The following LY9 variants were observed in gnomAD, a reference collection of about 807,000 sequenced individuals.
LY9 encodes the protein lymphocyte antigen 9, also known as T-lymphocyte surface antigen Ly-9.
LY9 carries 59 observed loss-of-function variants against 64.6 expected under a neutral mutation model. That is an observed-to-expected ratio of 0.91 (90% CI 0.74 to 1.13). LY9 has a LOEUF of 1.13. LY9 is among the 50% of genes most tolerant of loss of function. The pLI is 0.00. For synonymous variants in LY9, 281 were observed against 308.5 expected, an observed-to-expected ratio of 0.91 and a Z score of 0.93; for missense variants, 789 against 797.2, an observed-to-expected ratio of 0.99 and a Z score of 0.12.
intron 8 of LY9, 21 bp downstream of exon 8, chr1:160,823,817 C>A: frequency 6.5e-7 from 1 of 1,547,416 alleles, no homozygotes; most frequent in Non-Finnish European, 8.9e-7. Context: ...CTGATCAATA[C>A]ACCTTCCTCC....
At chr1:160,821,774 G>A (rs1401884310) in intron 7 of LY9, among the ~76,000 whole-genome samples, 1 of 152,152 alleles carries the variant, frequency 6.6e-6, no homozygotes, top group Non-Finnish European at 1.5e-5. Context: ...CCAAAATGAA[G>A]GTATCTATTT....
At chr1:160,805,919 CTTTTTTTTTTTT>C (rs60244350) in intron 2 of LY9, among the ~76,000 whole-genome samples, 3 of 72,440 alleles carry the variant, frequency 4.1e-5, no homozygotes, top group Middle Eastern at 0.011. Context: ...CATTCTTTGT[CTTTTTTTTTTTT>C]TTTTTTTTTT....
chr1:160,810,080 TG>T (rs1667350301), intron 2 of LY9: 1 of 152,292 alleles, frequency 6.6e-6, no homozygotes, highest in African/African-American at 2.4e-5. Context: ...GGTTTTGCCA[TG>T]TTGGCCAGGC....
At chr1:160,797,527 A>G (rs1031582639) in intron 1 of LY9, among the ~76,000 whole-genome samples, 3 of 152,220 alleles carry the variant, frequency 2.0e-5, no homozygotes, top group Admixed American at 6.5e-5. Flanking sequence ...AATAAGCTAC[A>G]TTCAAGGTCA....
chr1:160,827,248 G>A (rs1169624375), intron 9 of LY9, among the ~76,000 whole-genome samples: 4 of 152,070 alleles, frequency 2.6e-5, no homozygotes, highest in Non-Finnish European at 5.9e-5. Flanking sequence ...CCAACCTCCC[G>A]CTCCTCTGGG....
chr1:160,802,774 G>C, intron 2 of LY9: 2 of 602,018 alleles, frequency 3.3e-6, no homozygotes, highest in Non-Finnish European at 4.2e-6. Context: ...ATTTGTCAAA[G>C]GTCAATTGGC....
chr1:160,824,162 T>A lies in LY9; in HGVS notation c.1831-19T>A. 1 of 1,614,116 alleles carries A rather than the reference T, an allele frequency of 6.2e-7. No homozygotes were observed. The highest frequency in any genetic ancestry group is 2.2e-5 in the East Asian group (1 of 44,880). On this transcript the variant is annotated intron_variant, in intron 8 of 9. Transcript: ENST00000263285. The stretch of plus-strand genomic sequence containing the variant: ...TCTCATGTGGTCACTAGGGCTCATC[T>A]GCTGTTGGTGTGTTACAGGGAAAGA...
chr1:160,803,459 A>G (rs1035341680), intron 2 of LY9, among the ~76,000 whole-genome samples: 7 of 152,088 alleles, frequency 4.6e-5, no homozygotes, highest in Non-Finnish European at 7.4e-5. Context: ...TGTGTCATCT[A>G]TGATTTTTTC....
intron 4 of LY9, 61 bp downstream of exon 4, chr1:160,814,822 T>C: frequency 7.3e-7 from 1 of 1,378,918 alleles, no homozygotes; most frequent in South Asian, 1.3e-5. Context: ...TCTCCTCTGC[T>C]GCCTTCTCCA....
chr1:160,799,964 G>C lies in LY9; in HGVS notation c.336G>C (p.Trp112Cys), dbSNP rs1328267473. Reference sequence around the variant, plus strand: ...TGGGCCGACTAGACATCACCAAGTGGAGTTACTCCCTGTGCATCAGCAATC... The same window carrying C: ...TGGGCCGACTAGACATCACCAAGTGCAGTTACTCCCTGTGCATCAGCAATC... ...SYLGRLDITKWSYSLCISNLT... is the reference protein window; with the variant it reads ...SYLGRLDITKCSYSLCISNLT... Residue 112 changes from tryptophan (W) to cysteine (C), a missense_variant, in exon 2 of 10, where the codon TGG becomes TGC. Coordinates refer to ENST00000263285, the MANE Select transcript of LY9 (RefSeq NM_002348.4). 6.2e-7 allele frequency: 1 copy of C among 1,613,984 alleles called. No homozygotes were observed. Among genetic ancestry groups the C allele is most frequent in the Admixed American group, 1.7e-5 (1 of 60,002 alleles).
At chr1:160,805,466 T>A (rs529884028) in intron 2 of LY9, among the ~76,000 whole-genome samples, 1 of 152,328 alleles carries the variant, frequency 6.6e-6, no homozygotes, top group Admixed American at 6.5e-5. Flanking sequence ...AGATATTTGA[T>A]ATGATTTCAA....
intron 1 of LY9, chr1:160,797,396 G>A (rs1054490796): frequency 2.1e-6 from 1 of 487,006 alleles, no homozygotes; most frequent in Admixed American, 6.4e-5. Context: ...CTGAGGTCCA[G>A]TCTGACCTCT....
At chr1:160,811,452 G>A (rs987629497) in intron 2 of LY9, 4 of 152,142 alleles carry the variant, frequency 2.6e-5, no homozygotes, top group Non-Finnish European at 5.9e-5. Flanking sequence ...TTTTTTCAAA[G>A]CTTTAAGTTC....
Position 160,823,751 on chromosome 1 carries a change from T to G in LY9, c.1785T>G (p.Ser595=). 1 of 1,614,160 alleles carries G rather than the reference T, an allele frequency of 6.2e-7. No individual in the cohort carries two copies. The highest frequency in any genetic ancestry group is 8.5e-7 in the Non-Finnish European group (1 of 1,179,994). The part of the protein sequence containing the change: ...PVTPYVTEVE[S]VVGENTMYAQ... ...CTCCATATGTCACGGAAGTTGAGTC[T>G]GTGGTTGGAGAGAACACCATGTATG... is the stretch of plus-strand genomic sequence containing the variant. The change falls in exon 8 of 10, where the codon TCT becomes TCG. Residue 595 remains serine (S), a synonymous_variant. Coordinates refer to ENST00000263285, the MANE Select transcript of LY9 (RefSeq NM_002348.4).
intron 6 of LY9, 42 bp downstream of exon 6, chr1:160,818,361 T>C (rs1668119115): frequency 1.6e-5 from 23 of 1,458,312 alleles, no homozygotes; most frequent in Non-Finnish European, 2.2e-5. Flanking sequence ...TGCTAGGCCA[T>C]TTCCCTGGGA....
chr1:160,796,733 T>G (rs1665913082), intron 1 of LY9, among the ~76,000 whole-genome samples: 1 of 152,204 alleles, frequency 6.6e-6, no homozygotes, highest in African/African-American at 2.4e-5. Flanking sequence ...TTACTTTGCA[T>G]GTGTGCATAT....
intron 9 of LY9, 129 bp from the exon 10 acceptor site, chr1:160,827,618 TG>T: frequency 3.1e-6 from 2 of 636,360 alleles, no homozygotes; most frequent in Non-Finnish European, 2.6e-6. Flanking sequence ...GCGCCATCCC[TG>T]GGCCAGCACA....
intron 2 of LY9, chr1:160,811,785 A>G (rs1419114945): frequency 6.6e-6 from 1 of 152,198 alleles, no homozygotes; most frequent in Non-Finnish European, 1.5e-5. Context: ...TCACATATGT[A>G]TATCTCTAAG....
Position 160,814,519 on chromosome 1 carries a change from C to G in LY9, c.830C>G (p.Thr277Arg). The G allele has an allele frequency of 2.5e-6, 4 of 1,614,130 alleles. No individual in the cohort carries two copies. Among genetic ancestry groups the G allele is most frequent in the Non-Finnish European group, 3.4e-6 (4 of 1,180,018 alleles). The change falls in exon 4 of 10, where the codon ACA becomes AGA. Residue 277 changes from threonine (T) to arginine (R), a missense_variant. Transcript: ENST00000263285. Reference sequence around the variant, plus strand: ...CTTGCACTCCCAGCCTGCCGGGACACAGAGAAGGTTGTCTGGTTGTTTAAC... The same window carrying G: ...CTTGCACTCCCAGCCTGCCGGGACAGAGAGAAGGTTGTCTGGTTGTTTAAC... ...LPLALPACRD[T>R]EKVVWLFNTS...
Sources: gnomAD v4.1 joint callset for allele counts (sites outside exome capture counted in the v4.1 genomes callset) on GRCh38, gnomAD v4.1.1 for gene constraint, MANE v1.5 for transcripts, NCBI Gene and HGNC (gene_info 2026-07-23, HGNC 2026-07-21) for gene names.